RBPJ: variants seen among roughly 807,000 people sequenced by gnomAD.
The protein encoded by RBPJ is recombining binding protein suppressor of hairless.
RBPJ carries 9 observed loss-of-function variants against 67.8 expected under a neutral mutation model. The observed-to-expected ratio is 0.13, with a 90% CI of 0.08 to 0.23. The LOEUF is 0.23. Among genes scored for constraint, RBPJ ranks in the 10% least tolerant of loss-of-function variants. The pLI, the probability that RBPJ is intolerant of heterozygous loss-of-function variation, is 1.00. For synonymous variants in RBPJ, 198 were observed against 203.3 expected (o/e 0.97, Z 0.22); for missense variants, 305 against 595.6 (o/e 0.51, Z 5.08).
intron 1 of RBPJ, among the ~76,000 whole-genome samples, chr4:26,268,166 C>T (rs551376990): frequency 4.3e-4 from 65 of 152,106 alleles, no homozygotes; most frequent in African/African-American, 1.3e-3. Flanking sequence ...CCCCATGTTA[C>T]GATTTAGCTT....
At chr4:26,303,486 A>G (rs1722144738) in intron 1 of RBPJ, among the ~76,000 whole-genome samples, 2 of 150,652 alleles carry the variant, frequency 1.3e-5, no homozygotes, top group Non-Finnish European at 1.5e-5. Flanking sequence ...AAGAAATATA[A>G]TCTTGAACTT....
At chr4:26,123,995 C>A in the RBPJ span, among the ~76,000 whole-genome samples, 1 of 152,002 alleles carries the variant, frequency 6.6e-6, no homozygotes, top group African/African-American at 2.4e-5. Flanking sequence ...ATACATGAAC[C>A]AGTAACATAG....
rs568433830 is a variant in RBPJ at position 26,386,106 on chromosome 4, A to G, written c.21-247A>G. Among the ~76,000 whole-genome samples the G allele has an allele frequency of 3.3e-5, 5 of 152,232 alleles. No individual in the cohort carries two copies. In the South Asian group the frequency reaches 8.3e-4, roughly 25 times the overall value. On this transcript the variant is annotated intron_variant, in intron 1 of 10. Transcript: ENST00000355476. ...TCTCTAAAAGATACCTGTCCTCCCC[A>G]TCTAATCAGTGTGTTACTTGTTCAG...
intron 1 of RBPJ, among the ~76,000 whole-genome samples, chr4:26,179,483 C>T (rs996006849): frequency 6.6e-5 from 10 of 151,670 alleles, no homozygotes; most frequent in Non-Finnish European, 1.2e-4. Context: ...AGTGAACTGT[C>T]GCAAATGAGT....
intron 1 of RBPJ, among the ~76,000 whole-genome samples, chr4:26,357,631 TAA>T (rs1727537917): frequency 6.6e-6 from 1 of 152,200 alleles, no homozygotes; most frequent in Admixed American, 6.5e-5. Flanking sequence ...TTAGTGGTAG[TAA>T]GTACATTCAC....
chr4:26,331,607 G>T (rs1724271148), intron 1 of RBPJ, among the ~76,000 whole-genome samples: 1 of 152,262 alleles, frequency 6.6e-6, no homozygotes, highest in African/African-American at 2.4e-5. Flanking sequence ...CGTTTGCTGT[G>T]TTCCTGTTTT....
chr4:26,282,011 C>A lies in RBPJ; in HGVS notation c.-166-80435C>A, dbSNP rs182058406. The stretch of plus-strand genomic sequence containing the variant: ...CTAGACCAGGGGCAACTTCCCCTGA[C>A]AGATTTTCATGCAAACTTTATGTGT... On this transcript the variant is annotated intron_variant, in intron 1 of 4. Transcript: ENST00000512351. Among the ~76,000 whole-genome samples the A allele has an allele frequency of 1.1e-3, 160 of 152,246 alleles. 1 individual carries two copies. The highest frequency in any genetic ancestry group is 1.9e-3 in the Non-Finnish European group (130 of 68,030).
At chr4:26,388,160 A>T (rs191035132) in intron 2 of RBPJ, among the ~76,000 whole-genome samples, 45 of 151,600 alleles carry the variant, frequency 3.0e-4, no homozygotes, top group African/African-American at 9.0e-4. Flanking sequence ...AAAACAGTAA[A>T]TTTTTTTTTG....
chr4:26,310,367 C>CA (rs1328299801), intron 1 of RBPJ, among the ~76,000 whole-genome samples: 2 of 151,580 alleles, frequency 1.3e-5, no homozygotes, highest in East Asian at 1.9e-4. Flanking sequence ...TAAAGATGAA[C>CA]AAAAAAAACA....
At chr4:26,144,267 C>CTTTTTTTTTTTTTTTTTTTTTTTTTTT in the RBPJ span, among the ~76,000 whole-genome samples, 1 of 106,064 alleles carries the variant, frequency 9.4e-6, no homozygotes. Flanking sequence ...TAAGAAAATT[C>CTTTTTTTTTTTTTTTTTTTTTTTTTTT]TTTTTTTTTT....
chr4:26,114,501 A>ATATATATATG, the RBPJ span, among the ~76,000 whole-genome samples: 5 of 144,708 alleles, frequency 3.5e-5, no homozygotes, highest in African/African-American at 1.3e-4. Flanking sequence ...ATATATATGT[A>ATATATATATG]TGTGTGTGTG....
chr4:26,155,738 A>C, the RBPJ span, among the ~76,000 whole-genome samples: 1 of 152,126 alleles, frequency 6.6e-6, no homozygotes, highest in Non-Finnish European at 1.5e-5. Flanking sequence ...AAGAGGGTTA[A>C]AGTAAGGAAA....
At chr4:26,320,241 C>T (rs1722874082), upstream of RBPJ, among the ~76,000 whole-genome samples, 2 of 152,178 alleles carry the variant, frequency 1.3e-5, no homozygotes, top group Non-Finnish European at 2.9e-5. Flanking sequence ...CGCGCTCTGG[C>T]GTGTGTCTGC....
chr4:26,142,905 C>G, the RBPJ span, among the ~76,000 whole-genome samples: 1 of 152,182 alleles, frequency 6.6e-6, no homozygotes, highest in Non-Finnish European at 1.5e-5. Context: ...CCTCAGCCTC[C>G]CAGGTAGCTG....
At chr4:26,329,711 G>A (rs1426900397) in intron 1 of RBPJ, among the ~76,000 whole-genome samples, 2 of 152,032 alleles carry the variant, frequency 1.3e-5, no homozygotes, top group African/African-American at 4.8e-5. Context: ...TGGCTAACAC[G>A]GTGAAACCCT....
chr4:26,121,020 TA>T, the RBPJ span, among the ~76,000 whole-genome samples: 1 of 143,528 alleles, frequency 7.0e-6, no homozygotes, highest in Non-Finnish European at 1.5e-5. Flanking sequence ...GAGGGAGGGG[TA>T]GGGGGAGAAG....
chr4:26,328,909 C>T (rs1484392806), intron 1 of RBPJ, among the ~76,000 whole-genome samples: 1 of 152,196 alleles, frequency 6.6e-6, no homozygotes, highest in Non-Finnish European at 1.5e-5. Flanking sequence ...CTTGGTCTCC[C>T]AATGTGGTGT....
At chr4:26,314,802 AAT>A (rs965175928), upstream of RBPJ, among the ~76,000 whole-genome samples, 44 of 152,196 alleles carry the variant, frequency 2.9e-4, no homozygotes, top group African/African-American at 1.0e-3. Flanking sequence ...AGAACAGACT[AAT>A]ATAGTTTCCA....
rs60159669 is a variant in RBPJ at position 26,289,384 on chromosome 4, C to CAAAAAAA, written c.-166-73045_-166-73039dup. Among the ~76,000 whole-genome samples the CAAAAAAA allele has an allele frequency of 5.1e-4, 40 of 78,286 alleles. 1 individual carries two copies. The highest frequency in any genetic ancestry group is 7.8e-4 in the African/African-American group (16 of 20,518). 51.4% of individuals were successfully genotyped at this position (78,286 alleles called of 152,430 possible). On this transcript the variant is annotated intron_variant, in intron 1 of 4. Transcript: ENST00000512351. ...TCAGCGACAGAGTGAGACTTGGTCT[C>CAAAAAAA]AAAAAAAAAAAAAAAAAAAAAAAGA...
Sources: allele counts gnomAD v4.1 joint callset (sites outside exome capture counted in the v4.1 genomes callset), GRCh38; gene constraint gnomAD v4.1.1; transcripts MANE v1.5; gene names NCBI Gene and HGNC (gene_info 2026-07-23, HGNC 2026-07-21).